Variants in HMG20A observed in about 807,000 individuals in gnomAD.
The protein encoded by HMG20A is high mobility group 20A, also known as high mobility group protein 20A.
In HMG20A, 17 loss-of-function variants were observed where a neutral mutation model predicts 43.9. That is an observed-to-expected ratio of 0.39 (90% CI 0.27 to 0.58). The LOEUF is 0.58. Ranked by LOEUF, HMG20A falls within the 20% of genes least tolerant of loss-of-function variation. The pLI, the probability that HMG20A is intolerant of heterozygous loss-of-function variation, is 0.59. For missense variants in HMG20A, 341 were observed against 438.2 expected, an observed-to-expected ratio of 0.78 and a Z score of 1.98; for synonymous variants, 132 against 147.5, an observed-to-expected ratio of 0.89 and a Z score of 0.76.
At chr15:77,464,418 C>T in intron 3 of HMG20A, 31 bp downstream of exon 3, 2 of 1,606,748 alleles carry the variant, frequency 1.2e-6, no homozygotes, top group Non-Finnish European at 1.7e-6. Context: ...CTGTTCCTAT[C>T]CTCTGAAACT....
At chr15:77,509,951 A>G in the HMG20A span, among the ~76,000 whole-genome samples, 1 of 151,266 alleles carries the variant, frequency 6.6e-6, no homozygotes, top group African/African-American at 2.4e-5. Flanking sequence ...TCAGGCCCCT[A>G]AAACCTGAAT....
downstream of HMG20A, among the ~76,000 whole-genome samples, chr15:77,488,254 A>G (rs2072955676): frequency 6.6e-6 from 1 of 152,198 alleles, no homozygotes; most frequent in Non-Finnish European, 1.5e-5. Flanking sequence ...ACCATCCAAC[A>G]CTTAAGAGCC....
At chr15:77,463,540 A>G (rs985717373) in intron 2 of HMG20A, among the ~76,000 whole-genome samples, 2 of 152,194 alleles carry the variant, frequency 1.3e-5, no homozygotes, top group Non-Finnish European at 2.9e-5. Flanking sequence ...CTTCGTCCAC[A>G]TGTAATAAGA....
chr15:77,445,731 C>T (rs141362048), intron 1 of HMG20A, among the ~76,000 whole-genome samples: 6 of 152,268 alleles, frequency 3.9e-5, no homozygotes, highest in South Asian at 2.1e-4. Flanking sequence ...CTGCGACAGT[C>T]GATCCAATAA....
At chr15:77,479,348 A>G in intron 9 of HMG20A, 27 bp downstream of exon 9, 1 of 1,601,772 alleles carries the variant, frequency 6.2e-7, no homozygotes, top group Non-Finnish European at 8.5e-7. Flanking sequence ...AAATATTTAT[A>G]TGCCAGCACA....
At chr15:77,471,918 CCTAT>C in intron 6 of HMG20A, 104 bp downstream of exon 6, 1 of 627,212 alleles carries the variant, frequency 1.6e-6, no homozygotes, top group Non-Finnish European at 2.7e-6. Flanking sequence ...CAAAGTATTT[CCTAT>C]CTCGTAATTC....
intron 1 of HMG20A, among the ~76,000 whole-genome samples, chr15:77,452,160 CT>C (rs2072608982): frequency 6.6e-6 from 1 of 152,138 alleles, no homozygotes; most frequent in Non-Finnish European, 1.5e-5. Flanking sequence ...TATGGTGTGG[CT>C]TTAGGCAAAG....
chr15:77,458,821 G>A (rs1409337529), intron 2 of HMG20A, among the ~76,000 whole-genome samples: 1 of 152,130 alleles, frequency 6.6e-6, no homozygotes, highest in Non-Finnish European at 1.5e-5. Flanking sequence ...CATTTTTTCT[G>A]TTCAAATTAC....
intron 1 of HMG20A, among the ~76,000 whole-genome samples, chr15:77,438,335 G>A (rs2073572942): frequency 6.6e-6 from 1 of 151,616 alleles, no homozygotes; most frequent in Non-Finnish European, 1.5e-5. Context: ...TAGTCTAATC[G>A]CATTTGGTTA....
At chr15:77,443,366 TGA>T (rs1491286281) in intron 1 of HMG20A, among the ~76,000 whole-genome samples, 10 of 128,278 alleles carry the variant, frequency 7.8e-5, no homozygotes, top group Non-Finnish European at 3.4e-5. Context: ...ATGATGATGA[TGA>T]TGATGATGAT....
chr15:77,433,297 G>A (rs987967607), intron 1 of HMG20A, among the ~76,000 whole-genome samples: 2 of 140,470 alleles, frequency 1.4e-5, no homozygotes, highest in Non-Finnish European at 1.5e-5. Context: ...GGCTGTGATT[G>A]TGCCACTGCA....
At chr15:77,471,840 A>T (rs756460562) in intron 6 of HMG20A, 26 bp downstream of exon 6, 5 of 1,294,552 alleles carry the variant, frequency 3.9e-6, no homozygotes, top group East Asian at 2.4e-5. Flanking sequence ...TCTACATATC[A>T]TATATATGTA....
chr15:77,516,185 C>A, the HMG20A span, among the ~76,000 whole-genome samples: 1 of 152,174 alleles, frequency 6.6e-6, no homozygotes, highest in Non-Finnish European at 1.5e-5. Flanking sequence ...AAATGTATGA[C>A]TTTTACACCG....
the HMG20A span, among the ~76,000 whole-genome samples, chr15:77,505,668 C>G: frequency 3.2e-3 from 483 of 152,352 alleles, 3 homozygotes; most frequent in African/African-American, 0.011. Flanking sequence ...GCTCCTATCA[C>G]AGTTCACCAG....
At chr15:77,493,929 G>A in the HMG20A span, among the ~76,000 whole-genome samples, 5 of 152,150 alleles carry the variant, frequency 3.3e-5, no homozygotes, top group Non-Finnish European at 5.9e-5. Flanking sequence ...TGTTAAGTAA[G>A]CATTTATATT....
intron 1 of HMG20A, among the ~76,000 whole-genome samples, chr15:77,434,825 A>G (rs900944269): frequency 2.6e-5 from 4 of 152,206 alleles, no homozygotes; most frequent in South Asian, 2.1e-4. Context: ...TTGGAAAACA[A>G]TTTGGCCGTA....
intron 1 of HMG20A, among the ~76,000 whole-genome samples, chr15:77,433,042 C>T (rs901871532): frequency 1.3e-5 from 2 of 152,084 alleles, no homozygotes; most frequent in Non-Finnish European, 2.9e-5. Flanking sequence ...TATCTGAATA[C>T]TGTTTTTATC....
chr15:77,455,265 A>G (rs1404318366), intron 1 of HMG20A, among the ~76,000 whole-genome samples: 1 of 148,646 alleles, frequency 6.7e-6, no homozygotes, highest in Admixed American at 6.8e-5. Context: ...CTGGCCATAT[A>G]TTGACCATAG....
chr15:77,429,874 T>C (rs575536910), intron 1 of HMG20A, among the ~76,000 whole-genome samples: 6 of 152,186 alleles, frequency 3.9e-5, no homozygotes, highest in Non-Finnish European at 7.3e-5. Flanking sequence ...GAAAAACTAA[T>C]GTGATTGGTG....
Sources: gnomAD v4.1 joint callset for allele counts (sites outside exome capture counted in the v4.1 genomes callset) on GRCh38, gnomAD v4.1.1 for gene constraint, MANE v1.5 for transcripts, NCBI Gene and HGNC (gene_info 2026-07-23, HGNC 2026-07-21) for gene names.